NXPH2: variants seen among roughly 807,000 people sequenced by gnomAD.
The protein encoded by NXPH2 is neurexophilin-2.
In NXPH2, 5 loss-of-function variants were observed where a neutral mutation model predicts 19.8. The observed-to-expected ratio is 0.25, with a 90% CI of 0.13 to 0.53. NXPH2 has a LOEUF of 0.53. Ranked by LOEUF, NXPH2 falls within the 20% of genes least tolerant of loss-of-function variation. The probability of loss-of-function intolerance (pLI) is 0.96; values close to 1 mark genes in which losing one functional copy is unlikely to be tolerated. For missense variants in NXPH2, 289 were observed against 322.8 expected (o/e 0.90, Z 0.80); for synonymous variants, 154 against 127.4 (o/e 1.21, Z -1.41).
intron 1 of NXPH2, among the ~76,000 whole-genome samples, chr2:138,708,612 T>C (rs567566082): frequency 1.3e-5 from 2 of 152,312 alleles, no homozygotes; most frequent in Non-Finnish European, 2.9e-5. Flanking sequence ...TGTCTTTTAG[T>C]TCTGAATACT....
rs1221255084 is a variant in NXPH2, at chr2:138,670,550, A to G, written c.*372T>C. On this transcript the variant is annotated 3_prime_UTR_variant, in exon 2 of 2. Transcript: ENST00000272641. ...TGTTTCTGCGGTAACCTTCCAAAAC[A>G]TATTTCAAAGGCAGGCTCATTTCAA... 6.6e-6 allele frequency among the ~76,000 whole-genome samples: 1 copy of G among 152,218 alleles called. No homozygotes were observed. Among genetic ancestry groups the G allele is most frequent in the Non-Finnish European group, 1.5e-5 (1 of 68,038 alleles).
chr2:138,713,829 C>A (rs1681147870), intron 1 of NXPH2, among the ~76,000 whole-genome samples: 1 of 152,092 alleles, frequency 6.6e-6, no homozygotes, highest in African/African-American at 2.4e-5. Context: ...CTTATCAAAC[C>A]TTTCTATTTT....
intron 1 of NXPH2, among the ~76,000 whole-genome samples, chr2:138,775,485 A>G (rs1682246681): frequency 6.6e-6 from 1 of 152,070 alleles, no homozygotes; most frequent in Non-Finnish European, 1.5e-5. Flanking sequence ...CACAGCTAAT[A>G]AAAAATGCAT....
rs146083789 is a variant in NXPH2 at position 138,759,566 on chromosome 2, A to AT, written c.51+20624dup. Among the ~76,000 whole-genome samples, 137 of 147,626 alleles carry AT rather than the reference A, an allele frequency of 9.3e-4. 2 individuals carry two copies. The highest frequency in any genetic ancestry group is 4.0e-3 in the East Asian group (20 of 5,038). On this transcript the variant is annotated intron_variant, in intron 1 of 1. Transcript: ENST00000272641. ...GCCAGCCCACTTTACCCTTATTCTA[A>AT]TTTTTTTTTTTTAAAGAGGATTTCC...
intron 1 of NXPH2, among the ~76,000 whole-genome samples, chr2:138,707,376 C>A (rs1188562990): frequency 2.0e-5 from 3 of 152,204 alleles, no homozygotes; most frequent in East Asian, 3.9e-4. Context: ...AAAGAATGAA[C>A]CTTCAGCATT....
chr2:138,701,328 C>T (rs2104982107), intron 1 of NXPH2, among the ~76,000 whole-genome samples: 1 of 151,944 alleles, frequency 6.6e-6, no homozygotes, highest in East Asian at 1.9e-4. Context: ...CTGATGTAAG[C>T]CATAAATAAG....
At chr2:138,740,936 G>A (rs927286450) in intron 1 of NXPH2, among the ~76,000 whole-genome samples, 5 of 150,922 alleles carry the variant, frequency 3.3e-5, no homozygotes, top group Non-Finnish European at 7.4e-5. Context: ...GTAGAGATGT[G>A]TGTGGGGGCT....
At chr2:138,744,384 T>A (rs1486438785) in intron 1 of NXPH2, among the ~76,000 whole-genome samples, 4 of 152,062 alleles carry the variant, frequency 2.6e-5, no homozygotes, top group African/African-American at 9.7e-5. Context: ...AGGGAGGGAA[T>A]GAGAGAGAAT....
At chr2:138,691,048 G>A (rs1042656058) in intron 1 of NXPH2, among the ~76,000 whole-genome samples, 1 of 152,190 alleles carries the variant, frequency 6.6e-6, no homozygotes, top group African/African-American at 2.4e-5. Context: ...TATGTGAGGA[G>A]ACTTCTAGTC....
At chr2:138,729,970 G>C (rs1352025899) in intron 1 of NXPH2, among the ~76,000 whole-genome samples, 1 of 152,164 alleles carries the variant, frequency 6.6e-6, no homozygotes, top group Non-Finnish European at 1.5e-5. Context: ...AGTCCTGGAG[G>C]TTAAAAGTCC....
intron 1 of NXPH2, among the ~76,000 whole-genome samples, chr2:138,766,234 G>C (rs535272414): frequency 1.3e-5 from 2 of 152,312 alleles, no homozygotes; most frequent in South Asian, 4.1e-4. Context: ...AAAATGTTGA[G>C]AAAGAAACTA....
At chr2:138,767,159 A>T (rs938751792) in intron 1 of NXPH2, among the ~76,000 whole-genome samples, 3 of 152,226 alleles carry the variant, frequency 2.0e-5, no homozygotes, top group African/African-American at 7.2e-5. Context: ...CTTTGAATAT[A>T]AATCCATTTC....
intron 1 of NXPH2, among the ~76,000 whole-genome samples, chr2:138,729,641 GA>G (rs1681415680): frequency 6.6e-6 from 1 of 152,084 alleles, no homozygotes; most frequent in African/African-American, 2.4e-5. Flanking sequence ...CTCAAATCAC[GA>G]ATCTCTGCCT....
intron 1 of NXPH2, among the ~76,000 whole-genome samples, chr2:138,677,784 T>A (rs1680505925): frequency 6.6e-6 from 1 of 152,216 alleles, no homozygotes; most frequent in African/African-American, 2.4e-5. Flanking sequence ...AGAGACTTTT[T>A]AAACTGTATT....
chr2:138,699,150 A>T (rs1310708442), intron 1 of NXPH2, among the ~76,000 whole-genome samples: 1 of 152,208 alleles, frequency 6.6e-6, no homozygotes, highest in Non-Finnish European at 1.5e-5. Flanking sequence ...CCACTTGGAC[A>T]ATAATATAAT....
chr2:138,711,352 G>C (rs1261643068), intron 1 of NXPH2, among the ~76,000 whole-genome samples: 4 of 151,702 alleles, frequency 2.6e-5, no homozygotes, highest in African/African-American at 9.7e-5. Context: ...TGTTAGTCAG[G>C]CTGGTCTTGA....
intron 1 of NXPH2, among the ~76,000 whole-genome samples, chr2:138,736,602 C>G (rs556942197): frequency 6.6e-6 from 1 of 152,142 alleles, no homozygotes; most frequent in Non-Finnish European, 1.5e-5. Flanking sequence ...TCTGACATTC[C>G]CTGGAGACAT....
At chr2:138,770,842 T>A (rs187430003) in intron 1 of NXPH2, among the ~76,000 whole-genome samples, 4 of 152,168 alleles carry the variant, frequency 2.6e-5, no homozygotes, top group Admixed American at 1.3e-4. Context: ...AGGAAATTAC[T>A]TAAAAAGGCA....
intron 1 of NXPH2, among the ~76,000 whole-genome samples, chr2:138,672,366 C>A (rs768342487): frequency 4.6e-5 from 7 of 152,098 alleles, no homozygotes; most frequent in Non-Finnish European, 1.0e-4. Flanking sequence ...TGAATTATAT[C>A]CTAAAATAAT....
Sources: allele counts gnomAD v4.1 joint callset (sites outside exome capture counted in the v4.1 genomes callset), GRCh38; gene constraint gnomAD v4.1.1; transcripts MANE v1.5; gene names NCBI Gene and HGNC (gene_info 2026-07-23, HGNC 2026-07-21).